The following LY96 variants were observed in gnomAD, a reference collection of about 807,000 sequenced individuals.
LY96 encodes myeloid differentiation protein-2.
LY96 carries 18 observed loss-of-function variants against 18.9 expected under a neutral mutation model. The observed-to-expected ratio is 0.95, with a 90% CI of 0.66 to 1.41. The LOEUF is 1.41. Ranked by LOEUF, LY96 falls within the 40% of genes most tolerant of loss-of-function variation. The probability of loss-of-function intolerance (pLI) is 0.00; values close to 1 mark genes in which losing one functional copy is unlikely to be tolerated. For synonymous variants in LY96, 66 were observed against 62.6 expected, an observed-to-expected ratio of 1.06 and a Z score of -0.26; for missense variants, 175 against 182.4, an observed-to-expected ratio of 0.96 and a Z score of 0.23.
At chr8:74,035,717 C>A in the LY96 span, among the ~76,000 whole-genome samples, 1 of 152,188 alleles carries the variant, frequency 6.6e-6, no homozygotes, top group Non-Finnish European at 1.5e-5. Context: ...AAGCCTGCTA[C>A]CTGGAGGCTT....
At chr8:74,024,009 A>G (rs575752014) in intron 3 of LY96, among the ~76,000 whole-genome samples, 4 of 152,292 alleles carry the variant, frequency 2.6e-5, no homozygotes, top group Admixed American at 2.6e-4. Flanking sequence ...AAGCAGCCTC[A>G]TATTGTCATT....
intron 3 of LY96, among the ~76,000 whole-genome samples, chr8:74,025,633 C>T (rs1445636725): frequency 3.8e-5 from 5 of 133,052 alleles, no homozygotes; most frequent in African/African-American, 9.0e-5. Context: ...CCAGCCTGGG[C>T]GACAGAGCGA....
chr8:74,099,500 T>A, the LY96 span: 2 of 152,260 alleles, frequency 1.3e-5, no homozygotes, highest in African/African-American at 4.8e-5. Context: ...CTATGGAGAA[T>A]GTGCAGCAAA....
chr8:74,063,359 G>A, the LY96 span, among the ~76,000 whole-genome samples: 2 of 152,186 alleles, frequency 1.3e-5, no homozygotes, highest in African/African-American at 2.4e-5. Flanking sequence ...TCAAGGAGAG[G>A]AGAATTAGCT....
the LY96 span, among the ~76,000 whole-genome samples, chr8:74,034,880 G>C: frequency 3.3e-5 from 5 of 152,066 alleles, no homozygotes; most frequent in Non-Finnish European, 7.4e-5. Flanking sequence ...ATCAAGGATG[G>C]GTACAAAGAT....
the LY96 span, among the ~76,000 whole-genome samples, chr8:74,091,492 C>T: frequency 6.6e-6 from 1 of 152,310 alleles, no homozygotes; most frequent in East Asian, 1.9e-4. Context: ...TTGTGTCCCC[C>T]CTCAGGAGTC....
chr8:73,997,857 G>A (rs575661752), intron 1 of LY96, among the ~76,000 whole-genome samples: 1 of 152,316 alleles, frequency 6.6e-6, no homozygotes, highest in Admixed American at 6.5e-5. Context: ...AAGGTAAGGT[G>A]CAGGATAAGG....
At chr8:74,075,554 A>G in the LY96 span, among the ~76,000 whole-genome samples, 1 of 152,240 alleles carries the variant, frequency 6.6e-6, no homozygotes, top group Non-Finnish European at 1.5e-5. Context: ...TATAGGCATG[A>G]ACCACTGTGC....
At chr8:74,005,001 C>A in intron 2 of LY96, 116 bp downstream of exon 2, 1 of 1,096,366 alleles carries the variant, frequency 9.1e-7, no homozygotes, top group Non-Finnish European at 1.3e-6. Context: ...TAACAAATTA[C>A]CACGATCTTT....
At chr8:74,029,392 C>T (rs974054099), downstream of LY96, among the ~76,000 whole-genome samples, 10 of 152,110 alleles carry the variant, frequency 6.6e-5, no homozygotes, top group African/African-American at 2.4e-4. Flanking sequence ...ATTGTAGTTC[C>T]CATAATCCCC....
intron 3 of LY96, among the ~76,000 whole-genome samples, chr8:74,010,434 A>G (rs1224432379): frequency 6.6e-6 from 1 of 152,154 alleles, no homozygotes; most frequent in African/African-American, 2.4e-5. Flanking sequence ...ACAGAATAAT[A>G]ACATTCAGAA....
At chr8:74,067,549 A>G in the LY96 span, among the ~76,000 whole-genome samples, 2 of 152,086 alleles carry the variant, frequency 1.3e-5, no homozygotes, top group East Asian at 3.9e-4. Flanking sequence ...AGTTTGACAC[A>G]GTGACTCCAT....
At chr8:74,025,653 T>TTAA (rs1314608400) in intron 3 of LY96, among the ~76,000 whole-genome samples, 4 of 71,900 alleles carry the variant, frequency 5.6e-5, no homozygotes, top group African/African-American at 3.9e-4. Flanking sequence ...AAACTCCGTC[T>TTAA]CAAAAAAAAA....
the LY96 span, among the ~76,000 whole-genome samples, chr8:74,040,765 C>T: frequency 7.6e-5 from 11 of 145,508 alleles, no homozygotes; most frequent in East Asian, 2.0e-4. Flanking sequence ...TGCAGTGGCA[C>T]GATCTCAGCT....
the LY96 span, among the ~76,000 whole-genome samples, chr8:74,038,739 C>T: frequency 6.6e-6 from 1 of 152,066 alleles, no homozygotes; most frequent in African/African-American, 2.4e-5. Flanking sequence ...GTAAATGTAC[C>T]ATATTTTCTT....
At chr8:74,053,835 C>G in the LY96 span, among the ~76,000 whole-genome samples, 1 of 152,116 alleles carries the variant, frequency 6.6e-6, no homozygotes, top group Non-Finnish European at 1.5e-5. Context: ...GGTAAGACCC[C>G]CATGGTGAGA....
At chr8:74,079,160 T>A in the LY96 span, among the ~76,000 whole-genome samples, 1 of 152,164 alleles carries the variant, frequency 6.6e-6, no homozygotes, top group African/African-American at 2.4e-5. Flanking sequence ...GAAAGGTGAA[T>A]TTGCTCTCTG....
At chr8:74,069,883 T>C in the LY96 span, among the ~76,000 whole-genome samples, 2 of 152,204 alleles carry the variant, frequency 1.3e-5, no homozygotes, top group Admixed American at 6.5e-5. Context: ...ATTATAGGCA[T>C]AAGCCACTGT....
chr8:74,066,189 C>A, the LY96 span, among the ~76,000 whole-genome samples: 5 of 152,134 alleles, frequency 3.3e-5, no homozygotes, highest in South Asian at 1.0e-3. Context: ...ATAGATGGCA[C>A]CTCTTGCTGT....
Sources: gnomAD v4.1 joint callset for allele counts (sites outside exome capture counted in the v4.1 genomes callset) on GRCh38, gnomAD v4.1.1 for gene constraint, MANE v1.5 for transcripts, NCBI Gene and HGNC (gene_info 2026-07-23, HGNC 2026-07-21) for gene names.